The following SPTLC1 variants were observed in gnomAD, a reference collection of about 807,000 sequenced individuals.
The protein encoded by SPTLC1 is serine palmitoyltransferase 1.
In SPTLC1, 55 loss-of-function variants were observed where a neutral mutation model predicts 68.9. The ratio of observed to expected loss-of-function variants is 0.80; its 90% CI spans 0.64 to 1.00. The LOEUF (loss-of-function observed/expected upper bound fraction) is 1.00, where lower values mean the gene tolerates loss of function less well. Among genes scored for constraint, SPTLC1 ranks in the 50% least tolerant of loss-of-function variants. The pLI is 0.00. For missense variants in SPTLC1, 449 were observed against 573.1 expected, an observed-to-expected ratio of 0.78 and a Z score of 2.21; for synonymous variants, 197 against 201.6, an observed-to-expected ratio of 0.98 and a Z score of 0.19.
At chr9:92,082,344 C>G (rs1169178203) in intron 3 of SPTLC1, among the ~76,000 whole-genome samples, 1 of 151,078 alleles carries the variant, frequency 6.6e-6, no homozygotes, top group Non-Finnish European at 1.5e-5. Context: ...CACCCATTAA[C>G]TTGTCATTTA....
chr9:92,050,840 T>C (rs1484069544), intron 8 of SPTLC1: 9 of 149,902 alleles, frequency 6.0e-5, no homozygotes, highest in African/African-American at 2.5e-4. Flanking sequence ...TGAGACAGAG[T>C]CTTGCTCTGC....
intron 5 of SPTLC1, among the ~76,000 whole-genome samples, chr9:92,076,603 T>A (rs1388217367): frequency 6.6e-6 from 1 of 152,112 alleles, no homozygotes; most frequent in Non-Finnish European, 1.5e-5. Flanking sequence ...TTTTAGAACC[T>A]CTCATTTCTT....
At chr9:92,088,699 A>G (rs892689848) in intron 3 of SPTLC1, among the ~76,000 whole-genome samples, 2 of 152,252 alleles carry the variant, frequency 1.3e-5, no homozygotes, top group East Asian at 3.8e-4. Flanking sequence ...ACCACAGCTC[A>G]AAAGCTATCA....
chr9:92,045,869 G>T (rs1370941542), intron 12 of SPTLC1, 130 bp downstream of exon 12: 2 of 736,352 alleles, frequency 2.7e-6, no homozygotes, highest in Non-Finnish European at 4.7e-6. Context: ...CAATGTGAGT[G>T]AACTAAGTTT....
At chr9:92,080,617 C>G (rs1170501924) in intron 4 of SPTLC1, among the ~76,000 whole-genome samples, 1 of 152,186 alleles carries the variant, frequency 6.6e-6, no homozygotes, top group Non-Finnish European at 1.5e-5. Flanking sequence ...TGGCTCACTG[C>G]AACCTCCACC....
intron 12 of SPTLC1, among the ~76,000 whole-genome samples, chr9:92,045,302 CTT>C (rs2118430517): frequency 6.6e-6 from 1 of 150,716 alleles, no homozygotes; most frequent in African/African-American, 2.4e-5. Context: ...TGTGAAATCA[CTT>C]TATATAAGAC....
At chr9:92,078,958 T>C (rs1834777594) in intron 5 of SPTLC1, 1 of 756,098 alleles carries the variant, frequency 1.3e-6, no homozygotes, top group Non-Finnish European at 1.6e-6. Context: ...CACAAAAAGA[T>C]CCAGAAATGG....
chr9:92,097,478 A>G (rs973260600), intron 3 of SPTLC1, among the ~76,000 whole-genome samples: 1 of 152,260 alleles, frequency 6.6e-6, no homozygotes, highest in Non-Finnish European at 1.5e-5. Context: ...GTATCCATAC[A>G]CTGAAATATT....
chr9:92,055,068 G>C (rs143265472), intron 8 of SPTLC1: 99 of 217,054 alleles, frequency 4.6e-4, no homozygotes, highest in African/African-American at 2.2e-3. Context: ...CCACAAAAAA[G>C]GGAAAAATCA....
intron 8 of SPTLC1, chr9:92,050,279 T>G (rs1205078480): frequency 4.0e-6 from 2 of 505,198 alleles, no homozygotes; most frequent in Middle Eastern, 5.6e-4. Flanking sequence ...TGCAGAGCAG[T>G]GAAGAATTTG....
At chr9:92,052,096 C>T (rs1451767923) in intron 8 of SPTLC1, among the ~76,000 whole-genome samples, 2 of 152,166 alleles carry the variant, frequency 1.3e-5, no homozygotes, top group East Asian at 3.8e-4. Flanking sequence ...AAAAGCTAAT[C>T]CTAAAATTCA....
chr9:92,038,513 C>A, intron 12 of SPTLC1, 148 bp from the exon 13 acceptor site: 1 of 726,086 alleles, frequency 1.4e-6, no homozygotes. Flanking sequence ...CCAATTCCAA[C>A]AAAGAAAGGG....
intron 3 of SPTLC1, chr9:92,108,443 G>A (rs977722685): frequency 1.1e-5 from 4 of 357,664 alleles, no homozygotes; most frequent in Non-Finnish European, 2.2e-5. Flanking sequence ...TAACCAGATG[G>A]GTAAAAAGCA....
intron 3 of SPTLC1, among the ~76,000 whole-genome samples, chr9:92,101,986 A>G (rs565942622): frequency 6.6e-6 from 1 of 152,172 alleles, no homozygotes; most frequent in Non-Finnish European, 1.5e-5. Context: ...AAGGCACATT[A>G]TAATCAATTT....
intron 7 of SPTLC1, 101 bp downstream of exon 7, chr9:92,059,067 TATCCAAATGTG>T: frequency 7.9e-7 from 1 of 1,265,216 alleles, no homozygotes; most frequent in Non-Finnish European, 1.1e-6. Context: ...AACACCTTAA[TATCCAAATGTG>T]ATCCACAGGC....
At chr9:92,075,889 C>T (rs909405630) in intron 5 of SPTLC1, among the ~76,000 whole-genome samples, 7 of 152,158 alleles carry the variant, frequency 4.6e-5, no homozygotes, top group Non-Finnish European at 8.8e-5. Flanking sequence ...TTTCCTTAAT[C>T]CACATAGCCT....
chr9:92,045,524 TAAAAAAAAAAAAA>T (rs71362367), intron 12 of SPTLC1, among the ~76,000 whole-genome samples: 892 of 31,642 alleles, frequency 0.028, 19 homozygotes, highest in African/African-American at 0.092. Flanking sequence ...TCTTGTGTAG[TAAAAAAAAAAAAA>T]AAAAAAAAAA....
Position 92,115,303 on chromosome 9 carries a change from G to GA in SPTLC1, c.57+10_57+11insT. The GA allele has an allele frequency of 6.2e-7, 1 of 1,611,658 alleles. No individual in the cohort carries two copies. The highest frequency in any genetic ancestry group is 8.5e-7 in the Non-Finnish European group (1 of 1,179,854). On this transcript the variant is annotated intron_variant, in intron 1 of 14. Coordinates refer to ENST00000262554, the MANE Select transcript of SPTLC1 (RefSeq NM_006415.4). The stretch of plus-strand genomic sequence containing the variant: ...GGTGTGGTCGCGGACCGCTAATGGC[G>GA]CGGAGCCCACCTCGTAAAGCGCCTG...
chr9:92,112,496 TA>T lies in SPTLC1; in HGVS notation c.123del (p.Lys42ArgfsTer19). 1 of 1,611,318 alleles carries T rather than the reference TA, an allele frequency of 6.2e-7. No individual in the cohort carries two copies. The highest frequency in any genetic ancestry group is 8.5e-7 in the Non-Finnish European group (1 of 1,179,272). On this transcript the variant is annotated frameshift_variant, in exon 2 of 15. Transcript: ENST00000262554. LOFTEE classifies it high-confidence loss of function. Reference protein sequence around the residue: ...LILWIIRLLFSKTYKLQERSD... With the variant: ...LILWIIRLLFXKTYKLQERSD... Reference sequence around the variant, plus strand: ...GATCGTTCTTGTAATTTGTAAGTCTTAGAGAAAAGAAGTCTGATTATCCAGA... The same window carrying T: ...GATCGTTCTTGTAATTTGTAAGTCTTGAGAAAAGAAGTCTGATTATCCAGA...
Sources: allele counts gnomAD v4.1 joint callset (sites outside exome capture counted in the v4.1 genomes callset), GRCh38; gene constraint gnomAD v4.1.1; transcripts MANE v1.5; gene names NCBI Gene and HGNC (gene_info 2026-07-23, HGNC 2026-07-21).